Variants in SIK3 observed in about 807,000 individuals in gnomAD.
The protein encoded by SIK3 is serine/threonine-protein kinase SIK3.
A neutral mutation model predicts 144.2 loss-of-function variants in SIK3; 28 were observed. The ratio of observed to expected loss-of-function variants is 0.19; its 90% confidence interval spans 0.14 to 0.27. The LOEUF (loss-of-function observed/expected upper bound fraction) is 0.27. Ranked by LOEUF, SIK3 falls within the 10% of genes least tolerant of loss-of-function variation. The probability of loss-of-function intolerance (pLI) is 1.00; values close to 1 mark genes in which losing one functional copy is unlikely to be tolerated. For synonymous variants in SIK3, 686 were observed against 676.3 expected (o/e 1.01, Z -0.22); for missense variants, 1,319 against 1,776.0 (o/e 0.74, Z 4.62).
At chr11:116,990,525 TG>T (rs1950467614) in intron 1 of SIK3, among the ~76,000 whole-genome samples, 1 of 152,148 alleles carries the variant, frequency 6.6e-6, no homozygotes, top group Admixed American at 6.6e-5. Flanking sequence ...ATTACTTTAT[TG>T]GCAGTATATT....
chr11:116,939,628 A>G (rs553715226), intron 3 of SIK3, among the ~76,000 whole-genome samples: 2 of 152,342 alleles, frequency 1.3e-5, no homozygotes, highest in East Asian at 3.9e-4. Context: ...AAGTGATGCA[A>G]TAAAAAACTA....
At chr11:117,050,475 C>G (rs1343532813) in intron 1 of SIK3, among the ~76,000 whole-genome samples, 1 of 151,916 alleles carries the variant, frequency 6.6e-6, no homozygotes, top group Non-Finnish European at 1.5e-5. Context: ...CACTTGAGGT[C>G]AGGAGTTCGA....
chr11:117,050,765 C>G (rs1454938868), intron 1 of SIK3, among the ~76,000 whole-genome samples: 1 of 151,584 alleles, frequency 6.6e-6, no homozygotes, highest in Non-Finnish European at 1.5e-5. Context: ...AAAGGAGAGG[C>G]AAAATTTCAA....
chr11:117,031,285 G>C (rs1351876059), intron 1 of SIK3, among the ~76,000 whole-genome samples: 1 of 148,812 alleles, frequency 6.7e-6, no homozygotes, highest in Admixed American at 6.7e-5. Flanking sequence ...TTAGTTTTAT[G>C]TTTTACATTT....
intron 3 of SIK3, among the ~76,000 whole-genome samples, chr11:116,931,255 T>G: frequency 6.6e-6 from 1 of 152,226 alleles, no homozygotes; most frequent in East Asian, 1.9e-4. Context: ...CACGTAAGTT[T>G]GCTTCAGAAT....
rs76827708 is a variant in SIK3 at position 117,059,226 on chromosome 11, A to T, written c.273+38917T>A. Among the ~76,000 whole-genome samples, 3 of 152,350 alleles carry T rather than the reference A, an allele frequency of 2.0e-5. No individual in the cohort carries two copies. In the East Asian group the frequency reaches 5.8e-4, roughly 29 times the overall value. On this transcript the variant is annotated intron_variant, in intron 1 of 24. Transcript: ENST00000445177. ...GAGAAGAAAGACCAAGTCAGATGAG[A>T]TTAAGATGCTGGACAAGTAATCAAC... is the stretch of plus-strand genomic sequence containing the variant.
chr11:116,892,484 C>A (rs139027516), intron 6 of SIK3, among the ~76,000 whole-genome samples: 2 of 152,252 alleles, frequency 1.3e-5, no homozygotes, highest in Non-Finnish European at 2.9e-5. Context: ...CCTCATACAT[C>A]ATTAGAGAAT....
At chr11:117,045,060 T>A (rs544963648) in intron 1 of SIK3, among the ~76,000 whole-genome samples, 1 of 152,334 alleles carries the variant, frequency 6.6e-6, no homozygotes, top group East Asian at 1.9e-4. Flanking sequence ...TAGATGATAT[T>A]TGCAGATGTT....
At chr11:116,967,658 T>C (rs1949607497) in intron 1 of SIK3, among the ~76,000 whole-genome samples, 1 of 152,226 alleles carries the variant, frequency 6.6e-6, no homozygotes, top group Non-Finnish European at 1.5e-5. Flanking sequence ...TCAGACTGCA[T>C]TTCATCCTCC....
At chr11:117,024,692 G>A (rs2135762534) in intron 1 of SIK3, among the ~76,000 whole-genome samples, 1 of 152,264 alleles carries the variant, frequency 6.6e-6, no homozygotes, top group Non-Finnish European at 1.5e-5. Context: ...TTGAGCTCAG[G>A]AGTTCAAGAC....
intron 4 of SIK3, among the ~76,000 whole-genome samples, chr11:116,925,205 C>T (rs987001927): frequency 2.6e-5 from 4 of 151,848 alleles, no homozygotes; most frequent in African/African-American, 4.8e-5. Flanking sequence ...GCTGAGATCA[C>T]GCCACTGCCC....
chr11:116,982,683 A>G (rs1197618971), intron 1 of SIK3, among the ~76,000 whole-genome samples: 1 of 151,934 alleles, frequency 6.6e-6, no homozygotes, highest in East Asian at 1.9e-4. Context: ...AAAATGTTCC[A>G]GCTGGCTCAC....
chr11:116,933,230 T>C (rs868465927), intron 3 of SIK3, among the ~76,000 whole-genome samples: 5 of 149,552 alleles, frequency 3.3e-5, no homozygotes, highest in Middle Eastern at 3.5e-3. Context: ...AACCTCCACC[T>C]CCTGGGTTCA....
chr11:116,861,323 C>A lies in SIK3; in HGVS notation c.2376G>T (p.Gln792His). 1 of 1,595,986 alleles carries A rather than the reference C, an allele frequency of 6.3e-7. No individual in the cohort carries two copies. The highest frequency in any genetic ancestry group is 8.5e-7 in the Non-Finnish European group (1 of 1,175,234). The change falls in exon 19 of 25, where the codon CAG becomes CAT. Residue 792 changes from glutamine (Q) to histidine (H), a missense_variant. Around this residue, in one of 8 missense-constraint regions of SIK3, gnomAD observed 646 missense variants for 763.7 expected, o/e 0.85. Transcript: ENST00000445177. ...TCATGGGGGGAGGACTATTACTGGGCTGCCTGAAGAGATGGTTGTTGGGGT... is the reference window on the plus strand; with the variant it reads ...TCATGGGGGGAGGACTATTACTGGGATGCCTGAAGAGATGGTTGTTGGGGT... The part of the protein sequence containing the change: ...PNHPNNHLFR[Q>H]PSNSPPPMSS...
chr11:116,944,365 AG>A lies in SIK3; in HGVS notation c.454+9678del, dbSNP rs573898047. 5.8e-4 allele frequency among the ~76,000 whole-genome samples: 89 copies of A among 152,178 alleles called. 1 individual carries two copies. Among genetic ancestry groups the A allele is most frequent in the Non-Finnish European group, 1.0e-3 (69 of 68,036 alleles). ...CCACACCCATATAGTCTCAGGGTAG[AG>A]GCTGGATATACATTGTTGGCTGCAC... is the stretch of plus-strand genomic sequence containing the variant. On this transcript the variant is annotated intron_variant, in intron 3 of 24. Transcript: ENST00000445177.
chr11:117,069,627 T>C (rs1242494584), intron 1 of SIK3, among the ~76,000 whole-genome samples: 3 of 152,212 alleles, frequency 2.0e-5, no homozygotes, highest in African/African-American at 7.2e-5. Context: ...TTCAATTTCA[T>C]ATACTTACCT....
intron 4 of SIK3, among the ~76,000 whole-genome samples, chr11:116,912,721 A>G (rs1351567348): frequency 6.6e-6 from 1 of 152,238 alleles, no homozygotes; most frequent in Non-Finnish European, 1.5e-5. Context: ...CACTGTGACA[A>G]GATCCTTCAT....
At chr11:116,992,315 A>ACCCCC (rs201865103) in intron 1 of SIK3, among the ~76,000 whole-genome samples, 2 of 117,840 alleles carry the variant, frequency 1.7e-5, no homozygotes, top group Non-Finnish European at 1.8e-5. Flanking sequence ...ACAGAGCAAG[A>ACCCCC]CCCCCCCCCC....
chr11:116,931,236 G>C (rs563975462), intron 3 of SIK3, among the ~76,000 whole-genome samples: 16 of 152,254 alleles, frequency 1.1e-4, no homozygotes, highest in Admixed American at 8.5e-4. Context: ...TAAAGTATTA[G>C]AGCACCAGCA....
Sources: allele counts gnomAD v4.1 joint callset (sites outside exome capture counted in the v4.1 genomes callset), GRCh38; gene constraint gnomAD v4.1.1; regional missense constraint gnomAD v4.1.1; transcripts MANE v1.5; gene names NCBI Gene and HGNC (gene_info 2026-07-23, HGNC 2026-07-21).